Variants in PSMC2 observed in about 807,000 individuals in gnomAD.
PSMC2 encodes the protein proteasome 26S subunit, ATPase 2.
PSMC2 carries 7 observed loss-of-function variants against 53.3 expected under a neutral mutation model. That is an observed-to-expected ratio of 0.13 (90% CI 0.07 to 0.25). The LOEUF (loss-of-function observed/expected upper bound fraction) is 0.25. PSMC2 is among the 10% of genes least tolerant of loss of function. The pLI is 1.00. For synonymous variants in PSMC2, 169 were observed against 183.9 expected, an observed-to-expected ratio of 0.92 and a Z score of 0.66; for missense variants, 241 against 544.0, an observed-to-expected ratio of 0.44 and a Z score of 5.54.
chr7:103,356,364 G>T (rs1243770285), intron 4 of PSMC2, among the ~76,000 whole-genome samples: 1 of 152,076 alleles, frequency 6.6e-6, no homozygotes, highest in African/African-American at 2.4e-5. Flanking sequence ...ATTTCTGTAG[G>T]CTAGCTTACT....
intron 4 of PSMC2, among the ~76,000 whole-genome samples, chr7:103,361,669 C>G (rs942430272): frequency 2.6e-5 from 4 of 151,962 alleles, no homozygotes; most frequent in African/African-American, 9.7e-5. Flanking sequence ...AGGAGCATCA[C>G]TAATAATAAA....
chr7:103,363,279 A>G (rs915905606), intron 6 of PSMC2, 65 bp from the exon 7 acceptor site: 17 of 1,312,346 alleles, frequency 1.3e-5, no homozygotes, highest in Admixed American at 5.3e-5. Flanking sequence ...GGTCTATTCT[A>G]TTGAATTTGG....
In PSMC2 at chr7:103,362,098, C is replaced by A. The variant is rs1156426863; in HGVS notation, c.422+10C>A. On this transcript the variant is annotated intron_variant, in intron 5 of 11. Coordinates refer to ENST00000292644, the MANE Select transcript of PSMC2 (RefSeq NM_002803.4). Reference sequence around the variant, plus strand: ...AAGGGATGAGAGTGGGGTAAGATTTCTATTTACAATAAATACTTTTCTTTC... The same window carrying A: ...AAGGGATGAGAGTGGGGTAAGATTTATATTTACAATAAATACTTTTCTTTC... 2 of 1,612,136 alleles carry A rather than the reference C, an allele frequency of 1.2e-6. No homozygotes were observed. Among genetic ancestry groups the A allele is most frequent in the Admixed American group, 1.7e-5 (1 of 59,160 alleles).
chr7:103,347,863 CG>C, intron 1 of PSMC2, 82 bp downstream of exon 1: 1 of 1,468,554 alleles, frequency 6.8e-7, no homozygotes, highest in African/African-American at 1.4e-5. Flanking sequence ...GCTGGATTCC[CG>C]CTCCTGGCTC....
rs752911104 is a variant in PSMC2, at chr7:103,367,645, G to A, written c.1047+30G>A. ...GAAAACCATTTCATTTTAGGAAAGG[G>A]ATTTTTGAAGTTTTTTCTTCCTGTG... On this transcript the variant is annotated intron_variant, in intron 10 of 11. Transcript: ENST00000292644. The surrounding 1 kb of genome is among the most constrained non-coding windows in gnomAD (Gnocchi z 6.1). 6 of 1,608,992 alleles carry A rather than the reference G, an allele frequency of 3.7e-6. No homozygotes were observed. In the South Asian group the frequency reaches 6.7e-5, roughly 18 times the overall value.
In PSMC2 at chr7:103,363,242, C is replaced by T. The variant is rs532556503; in HGVS notation, c.496-102C>T. 3 of 879,452 alleles carry T rather than the reference C, an allele frequency of 3.4e-6. No homozygotes were observed. The South Asian group carries it at 5.1e-5, about 15-fold the overall frequency. 54.5% of individuals were successfully genotyped at this position (879,452 alleles called of 1,614,324 possible). A position where few individuals can be genotyped will look rare whatever the true frequency, so the allele number is the denominator to read the frequency against. On this transcript the variant is annotated intron_variant, in intron 6 of 11. Coordinates refer to ENST00000292644, the MANE Select transcript of PSMC2 (RefSeq NM_002803.4). ...TATTCAATTTTTATTAAAATTCTCA[C>T]TTGTGAGTTTTTCTTTTAAGGTATT...
intron 4 of PSMC2, among the ~76,000 whole-genome samples, chr7:103,359,687 C>T (rs1045191864): frequency 1.3e-5 from 2 of 152,208 alleles, no homozygotes; most frequent in Non-Finnish European, 2.9e-5. Context: ...ATTTCTCTAT[C>T]TGTATTCACT....
chr7:103,347,591 C>A, upstream of PSMC2: 1 of 1,134,770 alleles, frequency 8.8e-7, no homozygotes, highest in Non-Finnish European at 1.3e-6. Flanking sequence ...TGAAGCACTG[C>A]ATAAAGGGGT....
chr7:103,353,636 A>G (rs1021600056), intron 1 of PSMC2, among the ~76,000 whole-genome samples: 2 of 152,220 alleles, frequency 1.3e-5, no homozygotes, highest in African/African-American at 2.4e-5. Flanking sequence ...TGACTATGGT[A>G]TAATTTAACC....
chr7:103,350,419 C>T (rs369133368), intron 1 of PSMC2, among the ~76,000 whole-genome samples: 6 of 152,258 alleles, frequency 3.9e-5, no homozygotes, highest in East Asian at 3.9e-4. Flanking sequence ...TCTCTAATCA[C>T]GGTGTCTCAT....
At chr7:103,353,661 A>T (rs1249554026) in intron 1 of PSMC2, among the ~76,000 whole-genome samples, 4 of 152,122 alleles carry the variant, frequency 2.6e-5, no homozygotes, top group African/African-American at 9.7e-5. Context: ...TCCTTAATGG[A>T]TGTGTTTTAT....
chr7:103,369,017 CA>C lies in PSMC2; in HGVS notation c.*965del, dbSNP rs1180214748. 4 of 151,986 alleles carry C rather than the reference CA, an allele frequency of 2.6e-5. No homozygotes were observed. The highest frequency in any genetic ancestry group is 9.7e-5 in the African/African-American group (4 of 41,368). 9.4% of individuals were successfully genotyped at this position (151,986 alleles called of 1,614,324 possible). On this transcript the variant is annotated 3_prime_UTR_variant, in exon 12 of 12. Transcript: ENST00000292644. ...TTCCCCCAATGCCAAGACCAAAGCA[CA>C]ATAATGAATATTTTTATTGAAGTTC...
chr7:103,354,048 GT>G (rs1819884126), intron 2 of PSMC2, 90 bp downstream of exon 2: 1 of 1,014,574 alleles, frequency 9.9e-7, no homozygotes, highest in Middle Eastern at 3.3e-4. Flanking sequence ...ATTAGAAGAA[GT>G]TAAGAAACCA....
At chr7:103,364,362 A>C in intron 8 of PSMC2, 55 bp downstream of exon 8, 23 of 1,587,500 alleles carry the variant, frequency 1.4e-5, no homozygotes, top group Non-Finnish European at 2.0e-5. Flanking sequence ...TACAGTATGA[A>C]TGAAATTAAA....
intron 1 of PSMC2, chr7:103,352,734 A>C (rs1586135729): frequency 1.4e-6 from 1 of 727,892 alleles, no homozygotes; most frequent in Non-Finnish European, 2.5e-6. Context: ...ATCCTGGTAG[A>C]TTCATTTTTT....
At chr7:103,347,596 AG>A, upstream of PSMC2, 1 of 1,197,028 alleles carries the variant, frequency 8.4e-7, no homozygotes, top group East Asian at 2.4e-5. Context: ...CACTGCATAA[AG>A]GGGTCTGTCT....
At chr7:103,365,406 C>T (rs1422568608) in intron 8 of PSMC2, among the ~76,000 whole-genome samples, 2 of 151,648 alleles carry the variant, frequency 1.3e-5, no homozygotes, top group East Asian at 1.9e-4. Context: ...CAGAGGCAGG[C>T]GGATCACCTA....
intron 1 of PSMC2, among the ~76,000 whole-genome samples, chr7:103,349,566 A>G (rs1819682014): frequency 6.6e-6 from 1 of 151,930 alleles, no homozygotes. Flanking sequence ...CTCCTGCCTC[A>G]ACCTCCCAAG....
At chr7:103,360,842 T>C (rs1346210319) in intron 4 of PSMC2, among the ~76,000 whole-genome samples, 1 of 152,208 alleles carries the variant, frequency 6.6e-6, no homozygotes, top group Non-Finnish European at 1.5e-5. Flanking sequence ...CCGGGTGCAA[T>C]GGCTCACGCC....
Sources: allele counts gnomAD v4.1 joint callset (sites outside exome capture counted in the v4.1 genomes callset), GRCh38; gene constraint gnomAD v4.1.1; non-coding constraint Gnocchi (gnomAD v3.1); transcripts MANE v1.5; gene names NCBI Gene and HGNC (gene_info 2026-07-23, HGNC 2026-07-21).